The following TNR variants were observed in gnomAD, a reference collection of about 807,000 sequenced individuals.
TNR encodes tenascin-R.
In TNR, 45 loss-of-function variants were observed where a neutral mutation model predicts 150.4. That is an observed-to-expected ratio of 0.30 (90% CI 0.24 to 0.38). The LOEUF is 0.38. Ranked by LOEUF, TNR falls within the 10% of genes least tolerant of loss-of-function variation. TNR has a pLI of 1.00. For missense variants in TNR, 1,544 were observed against 1,759.1 expected, an observed-to-expected ratio of 0.88 and a Z score of 2.19; for synonymous variants, 687 against 678.4, an observed-to-expected ratio of 1.01 and a Z score of -0.20.
intron 1 of TNR, among the ~76,000 whole-genome samples, chr1:175,566,617 T>C (rs1465221453): frequency 6.6e-6 from 1 of 152,258 alleles, no homozygotes; most frequent in Non-Finnish European, 1.5e-5. Flanking sequence ...CTGCCTACCC[T>C]TGAATTCTTT....
At chr1:175,331,073 CTTTCCTTCT>C (rs1649817338) in intron 20 of TNR, among the ~76,000 whole-genome samples, 7 of 123,492 alleles carry the variant, frequency 5.7e-5, no homozygotes, top group East Asian at 4.6e-4. Flanking sequence ...TTCTTTCTTT[CTTTCCTTCT>C]TTCTTTCTTT....
chr1:175,344,977 G>T (rs548996893), intron 18 of TNR, among the ~76,000 whole-genome samples: 1 of 151,812 alleles, frequency 6.6e-6, no homozygotes, highest in Non-Finnish European at 1.5e-5. Context: ...GCGTAGTGGC[G>T]GGTGCCTGTA....
intron 4 of TNR, among the ~76,000 whole-genome samples, chr1:175,401,108 G>A (rs929379334): frequency 6.6e-6 from 1 of 152,142 alleles, no homozygotes; most frequent in South Asian, 2.1e-4. Flanking sequence ...CTCATAGTTT[G>A]GACTCAACCC....
chr1:175,421,625 C>G (rs772690090), intron 2 of TNR, among the ~76,000 whole-genome samples: 1 of 152,304 alleles, frequency 6.6e-6, no homozygotes, highest in Middle Eastern at 3.4e-3. Context: ...ATGATCCAAA[C>G]TTTTTATCTG....
chr1:175,473,950 G>C (rs1427920666), intron 2 of TNR, among the ~76,000 whole-genome samples: 2 of 152,120 alleles, frequency 1.3e-5, no homozygotes, highest in African/African-American at 4.8e-5. Flanking sequence ...CTCCCCTTGA[G>C]CTGTCAGTGC....
intron 1 of TNR, among the ~76,000 whole-genome samples, chr1:175,546,328 G>T (rs1038765166): frequency 6.6e-6 from 1 of 152,148 alleles, no homozygotes; most frequent in African/African-American, 2.4e-5. Flanking sequence ...TGGGGGTGAG[G>T]TTAAGTGGGG....
At chr1:175,404,929 C>G (rs1653878814) in intron 3 of TNR, among the ~76,000 whole-genome samples, 1 of 152,188 alleles carries the variant, frequency 6.6e-6, no homozygotes, top group Non-Finnish European at 1.5e-5. Context: ...GAAAGGAACC[C>G]ATGAAATATT....
At position 175,528,072 on chromosome 1, in the gene TNR, G is replaced by A. The variant is rs1210840175; in HGVS notation, c.-64+197C>T. ...ATGAGAAGCCAAAGCCTTGGTACCC[G>A]GTTTCTCCAGCTTTTTCAGAGACTG... On this transcript the variant is annotated intron_variant, in intron 2 of 22. Coordinates refer to ENST00000367674, the MANE Select transcript of TNR (RefSeq NM_003285.3). 5.3e-5 allele frequency among the ~76,000 whole-genome samples: 8 copies of A among 152,250 alleles called. No homozygotes were observed. In the South Asian group the frequency reaches 1.0e-3, roughly 20 times the overall value.
At chr1:175,537,495 G>C (rs375855924) in intron 1 of TNR, among the ~76,000 whole-genome samples, 1 of 152,168 alleles carries the variant, frequency 6.6e-6, no homozygotes, top group Non-Finnish European at 1.5e-5. Context: ...CATCCTTCAA[G>C]GTAGCCAGTT....
chr1:175,350,776 T>C (rs1651015271), intron 18 of TNR, among the ~76,000 whole-genome samples: 1 of 152,242 alleles, frequency 6.6e-6, no homozygotes, highest in African/African-American at 2.4e-5. Context: ...ACATCTTAAC[T>C]CTTTTCCAGG....
At chr1:175,647,434 G>GAAAAAA (rs766666371) in intron 1 of TNR, among the ~76,000 whole-genome samples, 1 of 111,262 alleles carries the variant, frequency 9.0e-6, no homozygotes, top group African/African-American at 4.6e-5. Context: ...ACTATTCGGT[G>GAAAAAA]CAAAAAAAAA....
chr1:175,703,306 C>A (rs556867208), intron 1 of TNR, among the ~76,000 whole-genome samples: 3 of 152,292 alleles, frequency 2.0e-5, no homozygotes, highest in Admixed American at 6.5e-5. Flanking sequence ...CTAATAAGAT[C>A]TCTACTAACC....
intron 1 of TNR, among the ~76,000 whole-genome samples, chr1:175,723,215 C>T (rs548408669): frequency 2.0e-5 from 3 of 152,206 alleles, no homozygotes; most frequent in Admixed American, 1.3e-4. Flanking sequence ...TTCTTCATCA[C>T]CTTTCTTATT....
rs752041080 is a variant in TNR at position 175,403,600 on chromosome 1, G to T, written c.516C>A (p.Ile172=). The T allele has an allele frequency of 5.0e-6, 8 of 1,613,128 alleles. No individual in the cohort carries two copies. The highest frequency in any genetic ancestry group is 5.9e-6 in the Non-Finnish European group (7 of 1,179,484). Residue 172 remains isoleucine (I), a synonymous_variant, in exon 4 of 23, where the codon ATC becomes ATA. Coordinates refer to ENST00000367674, the MANE Select transcript of TNR (RefSeq NM_003285.3). The part of the protein sequence containing the change: ...ESAATGQLDY[I]PHCSGHGNFS... ...AGTTGCCGTGGCCACTGCAGTGAGG[G>T]ATATAGTCCAGTTGTCCTGGAATGG...
chr1:175,374,793 G>A lies in TNR; in HGVS notation c.1963+4759C>T, dbSNP rs547230673. Among the ~76,000 whole-genome samples, 3 of 152,360 alleles carry A rather than the reference G, an allele frequency of 2.0e-5. No homozygotes were observed. The East Asian group carries it at 5.8e-4, about 29-fold the overall frequency. On this transcript the variant is annotated intron_variant, in intron 9 of 22. Coordinates refer to ENST00000367674, the MANE Select transcript of TNR (RefSeq NM_003285.3). ...GCCCTGTGGAGTGGGTAAGGGGTGC[G>A]ATGAACGGGCCCTGGGTGGTTGTGA...
chr1:175,333,141 A>G (rs1650032024), intron 20 of TNR, among the ~76,000 whole-genome samples: 1 of 152,168 alleles, frequency 6.6e-6, no homozygotes, highest in African/African-American at 2.4e-5. Flanking sequence ...TTTAACTCTC[A>G]TTTAGTACTA....
At chr1:175,532,664 T>C (rs992001856) in intron 1 of TNR, among the ~76,000 whole-genome samples, 1 of 152,220 alleles carries the variant, frequency 6.6e-6, no homozygotes, top group African/African-American at 2.4e-5. Context: ...GCAGTTTATC[T>C]GAGTGGTTCT....
At chr1:175,643,285 C>T (rs1664719824) in intron 1 of TNR, among the ~76,000 whole-genome samples, 1 of 152,204 alleles carries the variant, frequency 6.6e-6, no homozygotes, top group Non-Finnish European at 1.5e-5. Flanking sequence ...TATGTGACAT[C>T]TTATCAGCCT....
rs1481690895 is a variant in TNR, at chr1:175,553,813, AACAAAC to A, written c.-164-25450_-164-25445del. ...CATATCATACATATGCATATACAAG[AACAAAC>A]ACACACACACACACACACACACACA... On this transcript the variant is annotated intron_variant, in intron 1 of 22. Transcript: ENST00000367674. Among the ~76,000 whole-genome samples the A allele has an allele frequency of 1.1e-3, 23 of 21,828 alleles. No individual in the cohort carries two copies. The East Asian group carries it at 0.037, about 36-fold the overall frequency. 14.3% of individuals were successfully genotyped at this position (21,828 alleles called of 152,430 possible).
Sources: gnomAD v4.1 joint callset for allele counts (sites outside exome capture counted in the v4.1 genomes callset) on GRCh38, gnomAD v4.1.1 for gene constraint, MANE v1.5 for transcripts, NCBI Gene and HGNC (gene_info 2026-07-23, HGNC 2026-07-21) for gene names.